Variants in AFG3L2 observed in about 807,000 individuals in gnomAD.
AFG3L2 encodes the protein AFG3 like matrix AAA peptidase subunit 2.
Under a neutral mutation model 94.5 loss-of-function variants are expected in AFG3L2, and 54 were observed. That is an observed-to-expected ratio of 0.57 (90% confidence interval 0.46 to 0.72). The LOEUF (loss-of-function observed/expected upper bound fraction) is 0.72. Among genes scored for constraint, AFG3L2 ranks in the 30% least tolerant of loss-of-function variants. The pLI, the probability that AFG3L2 is intolerant of heterozygous loss-of-function variation, is 0.00. For missense variants in AFG3L2, 754 were observed against 994.9 expected, an observed-to-expected ratio of 0.76 and a Z score of 3.26; for synonymous variants, 377 against 365.5, an observed-to-expected ratio of 1.03 and a Z score of -0.36.
Position 12,366,877 on chromosome 18 carries a change from G to T in AFG3L2, c.552+88C>A, listed in dbSNP as rs1908822862. ...AACAATTTTACAATGGACGAGCCAG[G>T]TTAACCTGCTGACTGTCACTTCTTT... On this transcript the variant is annotated intron_variant, in intron 5 of 16. Transcript: ENST00000269143. 2.6e-6 allele frequency: 4 copies of T among 1,547,420 alleles called. No homozygotes were observed. In the African/African-American group the frequency reaches 4.1e-5, roughly 16 times the overall value.
intron 12 of AFG3L2, 80 bp downstream of exon 12, chr18:12,351,005 T>C: frequency 6.3e-7 from 1 of 1,577,292 alleles, no homozygotes; most frequent in Non-Finnish European, 8.7e-7. Flanking sequence ...AGTGAAAAGG[T>C]AAGAAAGTAA....
chr18:12,373,313 A>T (rs1568147990), intron 1 of AFG3L2, among the ~76,000 whole-genome samples: 1 of 151,708 alleles, frequency 6.6e-6, no homozygotes, highest in Non-Finnish European at 1.5e-5. Flanking sequence ...TTAAAATGAA[A>T]TGTTATTCAA....
intron 15 of AFG3L2, among the ~76,000 whole-genome samples, chr18:12,339,318 C>G (rs1340943448): frequency 6.7e-6 from 1 of 149,886 alleles, no homozygotes; most frequent in Non-Finnish European, 1.5e-5. Context: ...TTTGAGAGGC[C>G]GAGGCGGGCG....
rs752878017 is a variant in AFG3L2 at position 12,329,590 on chromosome 18, G to C, written c.2369C>G (p.Pro790Arg). The C allele has an allele frequency of 1.2e-6, 2 of 1,614,014 alleles. No homozygotes were observed. The highest frequency in any genetic ancestry group is 4.5e-5 in the East Asian group (2 of 44,878). Residue 790 changes from proline to arginine, a missense_variant, in exon 17 of 17, where the codon CCC becomes CGC. Physicochemically the swap from Pro to Arg is moderately radical, Grantham distance 103. Coordinates refer to ENST00000269143, the MANE Select transcript of AFG3L2 (RefSeq NM_006796.3). ...NKEREKEKEE[P>R]PGEKVAN The stretch of plus-strand genomic sequence containing the variant: ...CTAGTTGGCAACTTTCTCACCCGGG[G>C]GCTCCTCTTTCTCCTTTTCCCGCTC...
chr18:12,360,969 G>A (rs1908641712), intron 6 of AFG3L2, among the ~76,000 whole-genome samples: 1 of 152,172 alleles, frequency 6.6e-6, no homozygotes, highest in Non-Finnish European at 1.5e-5. Context: ...CAAGCACTGT[G>A]CATGTATTAG....
intron 3 of AFG3L2, among the ~76,000 whole-genome samples, chr18:12,370,209 A>T (rs1285558613): frequency 5.3e-5 from 8 of 152,166 alleles, no homozygotes; most frequent in Non-Finnish European, 1.0e-4. Context: ...ACTGCCCTAA[A>T]CACAATATGT....
intron 3 of AFG3L2, 31 bp from the exon 4 acceptor site, chr18:12,367,413 C>T (rs762483327): frequency 1.2e-6 from 2 of 1,606,172 alleles, no homozygotes; most frequent in East Asian, 4.5e-5. Context: ...CACACAGAAG[C>T]ACGGCAAGGT....
At chr18:12,353,803 G>A (rs1383848057) in intron 9 of AFG3L2, among the ~76,000 whole-genome samples, 1 of 152,176 alleles carries the variant, frequency 6.6e-6, no homozygotes, top group Non-Finnish European at 1.5e-5. Flanking sequence ...CAGTAGAGCT[G>A]TAAACTTTAC....
intron 5 of AFG3L2, among the ~76,000 whole-genome samples, chr18:12,364,628 A>G (rs1394119608): frequency 6.6e-6 from 1 of 152,178 alleles, no homozygotes; most frequent in Non-Finnish European, 1.5e-5. Flanking sequence ...TAAATATAAA[A>G]TAGTTTAAGC....
At chr18:12,342,999 A>G (rs920960399) in intron 14 of AFG3L2, 12 of 137,410 alleles carry the variant, frequency 8.7e-5, no homozygotes, top group African/African-American at 2.8e-4. Flanking sequence ...CAGCTTCTCA[A>G]TTTCCACAAA....
rs572038297 is a variant in AFG3L2 at position 12,370,954 on chromosome 18, T to C, written c.215-28A>G. The C allele has an allele frequency of 4.6e-5, 61 of 1,333,408 alleles. No homozygotes were observed. In the South Asian group the frequency reaches 6.9e-4, roughly 15 times the overall value. The allele number at this position is 1,333,408 out of a possible 1,614,324, so 82.6% of individuals were successfully genotyped here. A position where few individuals can be genotyped will look rare whatever the true frequency, so the allele number is the denominator to read the frequency against. ...GTTAGAAAAAGAAAAAAAATACTTA[T>C]CTTCAAACTAAAATTCATCAGGTTT... On this transcript the variant is annotated intron_variant, in intron 2 of 16. Transcript: ENST00000269143.
chr18:12,356,651 T>C, intron 9 of AFG3L2, 43 bp downstream of exon 9: 1 of 1,613,756 alleles, frequency 6.2e-7, no homozygotes, highest in East Asian at 2.2e-5. Flanking sequence ...GGTGAAGTGG[T>C]GGGTGCAAGG....
chr18:12,349,089 T>A (rs939859239), intron 12 of AFG3L2, among the ~76,000 whole-genome samples: 1 of 152,238 alleles, frequency 6.6e-6, no homozygotes, highest in South Asian at 2.1e-4. Context: ...CATTTTGCGT[T>A]CAGAAGGAGA....
chr18:12,329,869 T>C, intron 16 of AFG3L2, 86 bp from the exon 17 acceptor site: 3 of 1,212,166 alleles, frequency 2.5e-6, no homozygotes, highest in South Asian at 1.3e-5. Flanking sequence ...GGTGACCCCA[T>C]TCCAAAAAAG....
At chr18:12,344,880 G>A (rs761951853) in intron 13 of AFG3L2, among the ~76,000 whole-genome samples, 1 of 152,186 alleles carries the variant, frequency 6.6e-6, no homozygotes, top group East Asian at 1.9e-4. Flanking sequence ...AAATAGAAAT[G>A]TAAAATAAAA....
At chr18:12,367,189 A>G in intron 4 of AFG3L2, 72 bp from the exon 5 acceptor site, 9 of 1,612,506 alleles carry the variant, frequency 5.6e-6, no homozygotes, top group South Asian at 1.1e-5. Context: ...GTGAGACACA[A>G]ATCCCTCCAA....
chr18:12,372,295 C>T (rs1444266045), intron 1 of AFG3L2, among the ~76,000 whole-genome samples: 2 of 152,166 alleles, frequency 1.3e-5, no homozygotes, highest in African/African-American at 4.8e-5. Context: ...TGGAGTGAGA[C>T]TCCGTCTCAA....
rs1568131835 is a variant in AFG3L2, at chr18:12,332,940, C to CATATACT, written c.2176-3158_2176-3157insAGTATAT. On this transcript the variant is annotated intron_variant, in intron 16 of 16. Coordinates refer to ENST00000269143, the MANE Select transcript of AFG3L2 (RefSeq NM_006796.3). ...ATTATATATAACATATACTATATAA[C>CATATACT]ATATAATATATTATATACTATAATA... Among the ~76,000 whole-genome samples the CATATACT allele has an allele frequency of 1.3e-3, 143 of 112,212 alleles. 2 individuals carry two copies. Among genetic ancestry groups the CATATACT allele is most frequent in the African/African-American group, 4.2e-3 (122 of 28,914 alleles). The allele number at this position is 112,212 out of a possible 152,430, so 73.6% of individuals were successfully genotyped here.
rs547992749 is a variant in AFG3L2 at position 12,372,062 on chromosome 18, T to C, written c.115-371A>G. ...GGCTCACACCTGTAATCCCAGTACA[T>C]TGGGAGGCCGAGGTGGGTGCATCAC... On this transcript the variant is annotated intron_variant, in intron 1 of 16. Coordinates refer to ENST00000269143, the MANE Select transcript of AFG3L2 (RefSeq NM_006796.3). Among the ~76,000 whole-genome samples the C allele has an allele frequency of 6.6e-5, 10 of 152,286 alleles. No individual in the cohort carries two copies. In the East Asian group the frequency reaches 1.2e-3, roughly 18 times the overall value.
Sources: allele counts gnomAD v4.1 joint callset (sites outside exome capture counted in the v4.1 genomes callset), GRCh38; gene constraint gnomAD v4.1.1; transcripts MANE v1.5; gene names NCBI Gene and HGNC (gene_info 2026-07-23, HGNC 2026-07-21).